The following GUCY1B1 variants were observed in gnomAD, a reference collection of about 807,000 sequenced individuals.
GUCY1B1 encodes guanylate cyclase soluble subunit beta-1.
GUCY1B1 carries 43 observed loss-of-function variants against 71.0 expected under a neutral mutation model. That is an observed-to-expected ratio of 0.61 (90% confidence interval 0.47 to 0.78). GUCY1B1 has a LOEUF of 0.78. Among genes scored for constraint, GUCY1B1 ranks in the 30% least tolerant of loss-of-function variants. GUCY1B1 has a pLI of 0.00. For missense variants in GUCY1B1, 535 were observed against 754.1 expected (o/e 0.71, Z 3.40); for synonymous variants, 266 against 259.7 (o/e 1.02, Z -0.23).
Position 155,799,881 on chromosome 4 carries a change from A to G in GUCY1B1, c.982A>G (p.Met328Val). ...SILFLCSPSVMNLDDLTRRGL... is the reference protein window; with the variant it reads ...SILFLCSPSVVNLDDLTRRGL... ...CCTCATTTCTCCATATGACAGTGTC[A>G]TGAACCTGGACGATTTGACAAGGAG... Residue 328 changes from methionine to valine, a missense_variant, in exon 9 of 14, where the codon ATG (methionine) becomes GTG (valine). Transcript: ENST00000264424. 6.2e-7 allele frequency: 1 copy of G among 1,603,794 alleles called. No individual in the cohort carries two copies. The highest frequency in any genetic ancestry group is 8.5e-7 in the Non-Finnish European group (1 of 1,171,812).
chr4:155,779,835 C>A (rs2111056480), intron 4 of GUCY1B1, among the ~76,000 whole-genome samples: 1 of 152,246 alleles, frequency 6.6e-6, no homozygotes, highest in Admixed American at 6.5e-5. Flanking sequence ...GTAAAATATT[C>A]TTTATGGTGA....
intron 2 of GUCY1B1, among the ~76,000 whole-genome samples, chr4:155,761,358 A>ATC: frequency 6.6e-6 from 1 of 152,210 alleles, no homozygotes; most frequent in South Asian, 2.1e-4. Context: ...CTATATATAT[A>ATC]TATATTCTCC....
At chr4:155,806,233 C>T (rs778771603) in intron 13 of GUCY1B1, among the ~76,000 whole-genome samples, 153 bp from the exon 14 acceptor site, 2 of 152,058 alleles carry the variant, frequency 1.3e-5, no homozygotes, top group African/African-American at 4.8e-5. Flanking sequence ...GTCGTGCGGT[C>T]CTGTTTTTCC....
At chr4:155,772,679 C>G in intron 2 of GUCY1B1, 2 of 702,106 alleles carry the variant, frequency 2.8e-6, no homozygotes, top group South Asian at 3.0e-5. Flanking sequence ...CTGGGCTTCC[C>G]AAAGTGCTGG....
chr4:155,806,086 A>G (rs1561038563), intron 13 of GUCY1B1, among the ~76,000 whole-genome samples: 2 of 152,204 alleles, frequency 1.3e-5, no homozygotes, highest in Non-Finnish European at 2.9e-5. Context: ...TTCTAAAGGG[A>G]ATAGAATGCC....
Position 155,777,530 on chromosome 4 carries a change from A to G in GUCY1B1, c.185A>G (p.Asn62Ser). The G allele has an allele frequency of 6.4e-7, 1 of 1,557,120 alleles. No individual in the cohort carries two copies. The highest frequency in any genetic ancestry group is 1.1e-5 in the South Asian group (1 of 89,868). The change falls in exon 4 of 14, where the codon AAT becomes AGT. Residue 62 changes from asparagine to serine, a missense_variant. By Grantham distance (46) the Asn-to-Ser change is conservative. Transcript: ENST00000264424. Reference sequence around the variant, plus strand: ...TCTTGAATTTGTAAAATAGATCTCAATGCTGGAGAAATCCTCCAAATGTTT... The same window carrying G: ...TCTTGAATTTGTAAAATAGATCTCAGTGCTGGAGAAATCCTCCAAATGTTT... Reference protein sequence around the residue: ...VAAASKVLNLNAGEILQMFGK... With the variant: ...VAAASKVLNLSAGEILQMFGK...
At chr4:155,779,065 G>A (rs1290465522) in intron 4 of GUCY1B1, among the ~76,000 whole-genome samples, 2 of 151,234 alleles carry the variant, frequency 1.3e-5, no homozygotes, top group Non-Finnish European at 2.9e-5. Flanking sequence ...GTGTTTCTCT[G>A]TATTCCAGAG....
intron 4 of GUCY1B1, among the ~76,000 whole-genome samples, chr4:155,782,313 T>G (rs1408451249): frequency 6.6e-6 from 1 of 152,104 alleles, no homozygotes; most frequent in Non-Finnish European, 1.5e-5. Flanking sequence ...ATGGTCTCGA[T>G]CTCCTGACCT....
chr4:155,781,822 C>A (rs1258144557), intron 4 of GUCY1B1, among the ~76,000 whole-genome samples: 2 of 151,828 alleles, frequency 1.3e-5, no homozygotes, highest in South Asian at 2.1e-4. Context: ...AAGTAATAAT[C>A]TTTGGCATTT....
Position 155,794,222 on chromosome 4 carries a change from T to G in GUCY1B1, c.726+136T>G, listed in dbSNP as rs969377412. The stretch of plus-strand genomic sequence containing the variant: ...GCAGTTTATTGTAAGTTACACAAAT[T>G]GTTTAATTGTGAACTAAGTGTATTT... On this transcript the variant is annotated intron_variant, in intron 6 of 13. Coordinates refer to ENST00000264424, the MANE Select transcript of GUCY1B1 (RefSeq NM_000857.5). 7.1e-6 allele frequency: 4 copies of G among 561,948 alleles called. No individual in the cohort carries two copies. The East Asian group carries it at 1.1e-4, about 16-fold the overall frequency. The allele number at this position is 561,948 out of a possible 1,614,324, so 34.8% of individuals were successfully genotyped here. A position where few individuals can be genotyped will look rare whatever the true frequency, so the allele number is the denominator to read the frequency against.
In GUCY1B1 at chr4:155,761,860, G is replaced by A. The variant is rs368827615; in HGVS notation, c.77+2000G>A. On this transcript the variant is annotated intron_variant, in intron 2 of 13. Coordinates refer to ENST00000264424, the MANE Select transcript of GUCY1B1 (RefSeq NM_000857.5). ...AATTTTTCTGGTAAAAATGAAACAA[G>A]TTATATTGGTCTTTTCTTAAATAAA... Among the ~76,000 whole-genome samples, 10 of 152,306 alleles carry A rather than the reference G, an allele frequency of 6.6e-5. No homozygotes were observed. In the East Asian group the frequency reaches 1.9e-3, roughly 29 times the overall value.
chr4:155,799,929 C>A lies in GUCY1B1; in HGVS notation c.1030C>A (p.Pro344Thr). Residue 344 changes from proline (P) to threonine (T), a missense_variant, in exon 9 of 14, where the codon CCT becomes ACT. Coordinates refer to ENST00000264424, the MANE Select transcript of GUCY1B1 (RefSeq NM_000857.5). ...GAGAGGGCTGTATCTAAGTGACATC[C>A]CTCTGCATGATGCCACGCGCGATCT... Reference protein sequence around the residue: ...TRRGLYLSDIPLHDATRDLVL... With the variant: ...TRRGLYLSDITLHDATRDLVL... 1 of 1,612,810 alleles carries A rather than the reference C, an allele frequency of 6.2e-7. No individual in the cohort carries two copies. Among genetic ancestry groups the A allele is most frequent in the Non-Finnish European group, 8.5e-7 (1 of 1,178,946 alleles).
chr4:155,789,723 G>A lies in GUCY1B1; in HGVS notation c.307G>A (p.Ala103Thr). The part of the protein sequence containing the change: ...NVREFLQNLD[A>T]LHDHLATIYP... The stretch of plus-strand genomic sequence containing the variant: ...TTCTTCTTTGCTGCAGAACCTTGAT[G>A]CTCTGCACGACCACCTTGCTACCAT... Residue 103 changes from alanine (A) to threonine (T), a missense_variant, in exon 5 of 14, where the codon GCT becomes ACT. By Grantham distance (58) the Ala-to-Thr change is moderately conservative. Transcript: ENST00000264424. 6.3e-7 allele frequency: 1 copy of A among 1,591,952 alleles called. No individual in the cohort carries two copies. Among genetic ancestry groups the A allele is most frequent in the South Asian group, 1.1e-5 (1 of 88,902 alleles).
chr4:155,760,707 C>T (rs1736944920), intron 2 of GUCY1B1, among the ~76,000 whole-genome samples: 1 of 152,184 alleles, frequency 6.6e-6, no homozygotes, highest in Non-Finnish European at 1.5e-5. Context: ...CCACCACCAA[C>T]TAGCTACTCC....
chr4:155,760,311 T>A (rs1472781928), intron 2 of GUCY1B1, among the ~76,000 whole-genome samples: 1 of 152,226 alleles, frequency 6.6e-6, no homozygotes, highest in Non-Finnish European at 1.5e-5. Flanking sequence ...CTTTTTGGTA[T>A]GCTGAAACAC....
At chr4:155,760,790 G>T (rs1156907915) in intron 2 of GUCY1B1, among the ~76,000 whole-genome samples, 1 of 152,162 alleles carries the variant, frequency 6.6e-6, no homozygotes, top group Non-Finnish European at 1.5e-5. Flanking sequence ...TGGAAGGAAG[G>T]GTTTCCTGGG....
chr4:155,789,961 T>C (rs1243597925), intron 5 of GUCY1B1, 50 bp downstream of exon 5: 2 of 1,206,278 alleles, frequency 1.7e-6, no homozygotes, highest in Non-Finnish European at 2.4e-6. Context: ...TCTAAAAATA[T>C]TTTAAATGAC....
At chr4:155,781,292 C>T (rs1054594693) in intron 4 of GUCY1B1, among the ~76,000 whole-genome samples, 2 of 152,006 alleles carry the variant, frequency 1.3e-5, no homozygotes, top group African/African-American at 2.4e-5. Context: ...ATTTTTTATT[C>T]GAGGATACTG....
At chr4:155,771,969 A>T (rs1169494390) in intron 2 of GUCY1B1, among the ~76,000 whole-genome samples, 2 of 152,158 alleles carry the variant, frequency 1.3e-5, no homozygotes, top group African/African-American at 4.8e-5. Flanking sequence ...AATAGCAGTG[A>T]TTATCTCAGG....
Sources: gnomAD v4.1 joint callset for allele counts (sites outside exome capture counted in the v4.1 genomes callset) on GRCh38, gnomAD v4.1.1 for gene constraint, MANE v1.5 for transcripts, NCBI Gene and HGNC (gene_info 2026-07-23, HGNC 2026-07-21) for gene names.